The following TNFRSF8 variants were observed in gnomAD, a reference collection of about 807,000 sequenced individuals.
The protein encoded by TNFRSF8 is tumor necrosis factor receptor superfamily member 8.
A neutral mutation model predicts 70.8 loss-of-function variants in TNFRSF8; 26 were observed. The ratio of observed to expected loss-of-function variants is 0.37; its 90% CI spans 0.27 to 0.51. The LOEUF (loss-of-function observed/expected upper bound fraction) is 0.51, where lower values mean the gene tolerates loss of function less well. Among genes scored for constraint, TNFRSF8 ranks in the 20% least tolerant of loss-of-function variants. The pLI, the probability that TNFRSF8 is intolerant of heterozygous loss-of-function variation, is 0.94. For missense variants in TNFRSF8, 720 were observed against 807.9 expected, an observed-to-expected ratio of 0.89 and a Z score of 1.32; for synonymous variants, 356 against 339.2, an observed-to-expected ratio of 1.05 and a Z score of -0.54.
At chr1:12,134,086 G>A (rs1345569205) in intron 12 of TNFRSF8, among the ~76,000 whole-genome samples, 1 of 152,168 alleles carries the variant, frequency 6.6e-6, no homozygotes, top group African/African-American at 2.4e-5. Flanking sequence ...AACTCACCTA[G>A]TGTCCACACA....
chr1:12,068,056 G>A (rs890868662), intron 1 of TNFRSF8, among the ~76,000 whole-genome samples: 2 of 152,044 alleles, frequency 1.3e-5, no homozygotes, highest in African/African-American at 2.4e-5. Flanking sequence ...AAGGAGGGGC[G>A]TTTACTGTAA....
intron 1 of TNFRSF8, among the ~76,000 whole-genome samples, chr1:12,083,856 G>A (rs556668492): frequency 3.9e-5 from 6 of 152,212 alleles, no homozygotes; most frequent in African/African-American, 7.2e-5. Flanking sequence ...AATGGACTGC[G>A]TAATTCTACT....
intron 2 of TNFRSF8, among the ~76,000 whole-genome samples, chr1:12,085,741 C>T (rs2100970097): frequency 6.6e-6 from 1 of 152,308 alleles, no homozygotes; most frequent in South Asian, 2.1e-4. Context: ...GAGTGTTGTT[C>T]CTTCCATTTT....
In TNFRSF8 at chr1:12,142,926, G is replaced by A; in HGVS notation, c.*395G>A. On this transcript the variant is annotated 3_prime_UTR_variant, in exon 15 of 15. Coordinates refer to ENST00000263932, the MANE Select transcript of TNFRSF8 (RefSeq NM_001243.5). This position sits in a 1 kb window ranked among gnomAD's most constrained non-coding sequence, Gnocchi z 5.0. ...GGAGAGGTCGTGAGGCCAGCTCCCG[G>A]GGCCCCTGTAACCCTACTCTCCTCT... is the stretch of plus-strand genomic sequence containing the variant. The A allele has an allele frequency of 5.4e-6, 1 of 183,768 alleles. No individual in the cohort carries two copies. Among genetic ancestry groups the A allele is most frequent in the South Asian group, 1.2e-4 (1 of 8,018 alleles). 11.4% of individuals were successfully genotyped at this position (183,768 alleles called of 1,614,324 possible).
intron 8 of TNFRSF8, among the ~76,000 whole-genome samples, chr1:12,118,342 C>T (rs1467678077): frequency 6.6e-6 from 1 of 151,776 alleles, no homozygotes; most frequent in African/African-American, 2.4e-5. Flanking sequence ...AACTCCTGAC[C>T]CCAGGTGATC....
rs1016057906 is a variant in TNFRSF8, at chr1:12,112,373, C to A, written c.793+359C>A. On this transcript the variant is annotated intron_variant, in intron 7 of 14. Transcript: ENST00000263932. This position sits in a 1 kb window ranked among gnomAD's most constrained non-coding sequence, Gnocchi z 5.3. ...AGGTTCTCGTCCACTCCACTCGCTG[C>A]CCCTATGAGCCACTTATTCTTTTTT... 3.9e-5 allele frequency among the ~76,000 whole-genome samples: 6 copies of A among 151,906 alleles called. No homozygotes were observed. Among genetic ancestry groups the A allele is most frequent in the African/African-American group, 1.5e-4 (6 of 41,352 alleles).
At chr1:12,094,058 C>CATAA (rs1641289518) in intron 2 of TNFRSF8, among the ~76,000 whole-genome samples, 1 of 84,678 alleles carries the variant, frequency 1.2e-5, no homozygotes, top group Non-Finnish European at 2.2e-5. Flanking sequence ...GACTTTGTCT[C>CATAA]AAAAAAAAAA....
Position 12,105,118 on chromosome 1 carries a change from G to A in TNFRSF8, c.421+587G>A, listed in dbSNP as rs574353550. 1.4e-4 allele frequency among the ~76,000 whole-genome samples: 21 copies of A among 152,344 alleles called. No homozygotes were observed. The South Asian group carries it at 2.3e-3, about 17-fold the overall frequency. ...GTGGAGTTGGGACCATCTTCCAGAA[G>A]GGAGGCATGAGGAGTGGGTGGGCTT... On this transcript the variant is annotated intron_variant, in intron 4 of 14. Coordinates refer to ENST00000263932, the MANE Select transcript of TNFRSF8 (RefSeq NM_001243.5).
Position 12,138,632 on chromosome 1 carries a change from C to T in TNFRSF8, c.1543+196C>T, listed in dbSNP as rs1290748249. On this transcript the variant is annotated intron_variant, in intron 14 of 14. Coordinates refer to ENST00000263932, the MANE Select transcript of TNFRSF8 (RefSeq NM_001243.5). This position sits in a 1 kb window ranked among gnomAD's most constrained non-coding sequence, Gnocchi z 5.7. ...GGTACTTACCTCGTAGGCCATTGTG[C>T]GGATTCATGAGCCAGTGTGCATGAG... Among the ~76,000 whole-genome samples, 6 of 152,128 alleles carry T rather than the reference C, an allele frequency of 3.9e-5. No individual in the cohort carries two copies. Among genetic ancestry groups the T allele is most frequent in the Non-Finnish European group, 8.8e-5 (6 of 68,018 alleles).
intron 7 of TNFRSF8, among the ~76,000 whole-genome samples, chr1:12,114,856 G>A (rs1022969019): frequency 1.3e-5 from 2 of 151,572 alleles, no homozygotes; most frequent in Non-Finnish European, 2.9e-5. Context: ...TTACAGGCAC[G>A]TGCCACCAGG....
At chr1:12,092,928 C>T (rs1214885816) in intron 2 of TNFRSF8, among the ~76,000 whole-genome samples, 1 of 152,164 alleles carries the variant, frequency 6.6e-6, no homozygotes, top group African/African-American at 2.4e-5. Context: ...GCCCCAGCCT[C>T]CCGAGTAGCT....
At position 12,141,236 on chromosome 1, in the gene TNFRSF8, G is replaced by T. The variant is rs999173260; in HGVS notation, c.1544-1051G>T. Among the ~76,000 whole-genome samples the T allele has an allele frequency of 7.3e-5, 11 of 150,872 alleles. No homozygotes were observed. Among genetic ancestry groups the T allele is most frequent in the Non-Finnish European group, 7.4e-5 (5 of 67,774 alleles). ...GTCCCTGCACCCCCACCCCACCCCA[G>T]CTCTCAAGTTCCCTCTTGAGCTTCC... is the stretch of plus-strand genomic sequence containing the variant. On this transcript the variant is annotated intron_variant, in intron 14 of 14. Transcript: ENST00000263932. This position sits in a 1 kb window ranked among gnomAD's most constrained non-coding sequence, Gnocchi z 5.4.
chr1:12,080,060 C>T (rs142338548), intron 1 of TNFRSF8, among the ~76,000 whole-genome samples: 2,180 of 151,582 alleles, frequency 0.014, 53 homozygotes, highest in African/African-American at 0.05. Flanking sequence ...GGGATTCTCC[C>T]GCCTCAGCCT....
intron 3 of TNFRSF8, among the ~76,000 whole-genome samples, chr1:12,100,062 A>G (rs1319963062): frequency 6.6e-6 from 1 of 152,048 alleles, no homozygotes; most frequent in Non-Finnish European, 1.5e-5. Flanking sequence ...CCAGCTACTC[A>G]AGAGGCTGAA....
At chr1:12,097,039 A>T in intron 2 of TNFRSF8, 62 bp from the exon 3 acceptor site, 1 of 1,308,624 alleles carries the variant, frequency 7.6e-7, no homozygotes. Context: ...GGTGTGGGGC[A>T]TTGGGTCATA....
chr1:12,087,414 C>T (rs892505250), intron 2 of TNFRSF8, among the ~76,000 whole-genome samples: 3 of 152,054 alleles, frequency 2.0e-5, no homozygotes, highest in South Asian at 4.1e-4. Context: ...GTGGTCTGCC[C>T]GCCTTGGCCT....
At chr1:12,070,823 C>T (rs1640829007) in intron 1 of TNFRSF8, among the ~76,000 whole-genome samples, 1 of 152,168 alleles carries the variant, frequency 6.6e-6, no homozygotes, top group Admixed American at 6.5e-5. Flanking sequence ...TTTGCCCATG[C>T]TCAAGTACCA....
intron 1 of TNFRSF8, among the ~76,000 whole-genome samples, chr1:12,081,088 C>A (rs965187062): frequency 6.6e-6 from 1 of 152,180 alleles, no homozygotes; most frequent in African/African-American, 2.4e-5. Flanking sequence ...GCACCCAAGG[C>A]CAGACTCGGG....
intron 2 of TNFRSF8, among the ~76,000 whole-genome samples, chr1:12,087,963 T>C (rs1159495484): frequency 6.6e-6 from 1 of 152,020 alleles, no homozygotes; most frequent in Non-Finnish European, 1.5e-5. Context: ...TGCTTCCGTG[T>C]AGCCAGAGAA....
Sources: gnomAD v4.1 joint callset for allele counts (sites outside exome capture counted in the v4.1 genomes callset) on GRCh38, gnomAD v4.1.1 for gene constraint, Gnocchi (gnomAD v3.1) non-coding constraint, MANE v1.5 for transcripts, NCBI Gene and HGNC (gene_info 2026-07-23, HGNC 2026-07-21) for gene names.